ERC2: variants seen among roughly 807,000 people sequenced by gnomAD.
ERC2 encodes ERC protein 2.
A neutral mutation model predicts 114.8 loss-of-function variants in ERC2; 42 were observed. That is an observed-to-expected ratio of 0.37 (90% confidence interval 0.29 to 0.47). The LOEUF is 0.47. ERC2 is among the 20% of genes least tolerant of loss of function. The pLI is 0.99. For synonymous variants in ERC2, 454 were observed against 425.5 expected (o/e 1.07, Z -0.82); for missense variants, 939 against 1,150.7 (o/e 0.82, Z 2.66).
intron 17 of ERC2, among the ~76,000 whole-genome samples, chr3:55,581,115 G>C (rs1396313442): frequency 3.3e-5 from 5 of 152,186 alleles, no homozygotes; most frequent in Admixed American, 3.3e-4. Context: ...AGTGCTGGGT[G>C]ACTCTCACTG....
chr3:56,009,307 G>A (rs1468838605), intron 9 of ERC2, among the ~76,000 whole-genome samples: 1 of 152,196 alleles, frequency 6.6e-6, no homozygotes, highest in Non-Finnish European at 1.5e-5. Context: ...AGCAGTGGAA[G>A]CTAGGAAGAG....
intron 17 of ERC2, among the ~76,000 whole-genome samples, chr3:55,586,954 C>A (rs1450523913): frequency 1.3e-5 from 2 of 152,190 alleles, no homozygotes; most frequent in African/African-American, 4.8e-5. Flanking sequence ...TCCCTGTTTT[C>A]ATTCTATTCC....
chr3:56,401,095 T>C lies in ERC2; in HGVS notation c.657+33256A>G, dbSNP rs563231138. ...TAGGGAAACAGTCTGTGAACTTTTC[T>C]AGCTCTACTTGAACCTATGTATCAC... On this transcript the variant is annotated intron_variant, in intron 2 of 17. Coordinates refer to ENST00000288221, the MANE Select transcript of ERC2 (RefSeq NM_015576.3). Among the ~76,000 whole-genome samples, 18 of 152,366 alleles carry C rather than the reference T, an allele frequency of 1.2e-4. No individual in the cohort carries two copies. The South Asian group carries it at 3.1e-3, about 26-fold the overall frequency.
At chr3:56,149,651 G>C (rs2081315811) in intron 4 of ERC2, among the ~76,000 whole-genome samples, 1 of 152,144 alleles carries the variant, frequency 6.6e-6, no homozygotes, top group African/African-American at 2.4e-5. Context: ...AGACGTAAGT[G>C]AAACTAAATA....
chr3:56,012,341 C>T (rs921842260), intron 8 of ERC2, among the ~76,000 whole-genome samples: 1 of 152,170 alleles, frequency 6.6e-6, no homozygotes, highest in Admixed American at 6.5e-5. Context: ...ATTTGGAAAC[C>T]TTCCCAGGAA....
chr3:56,396,993 G>A (rs1389019056), intron 2 of ERC2, among the ~76,000 whole-genome samples: 1 of 152,020 alleles, frequency 6.6e-6, no homozygotes, highest in Non-Finnish European at 1.5e-5. Context: ...CAGTTCCCCT[G>A]CCTTTACCCT....
intron 14 of ERC2, among the ~76,000 whole-genome samples, chr3:55,830,435 G>A (rs2060518156): frequency 6.6e-6 from 1 of 152,198 alleles, no homozygotes; most frequent in Non-Finnish European, 1.5e-5. Context: ...TCCTTTTAGG[G>A]CCTTCAAACT....
intron 14 of ERC2, among the ~76,000 whole-genome samples, chr3:55,887,660 C>T (rs546933579): frequency 6.6e-6 from 1 of 152,246 alleles, no homozygotes; most frequent in East Asian, 1.9e-4. Context: ...TATGTTATTC[C>T]ATGATGATGC....
intron 15 of ERC2, among the ~76,000 whole-genome samples, chr3:55,728,449 G>A (rs2065053570): frequency 6.6e-6 from 1 of 152,196 alleles, no homozygotes; most frequent in Non-Finnish European, 1.5e-5. Context: ...TTGAATGGAT[G>A]AGTAGGCATT....
intron 17 of ERC2, among the ~76,000 whole-genome samples, chr3:55,633,937 T>C (rs1166862924): frequency 6.6e-6 from 1 of 152,152 alleles, no homozygotes; most frequent in South Asian, 2.1e-4. Flanking sequence ...ATGCCACATA[T>C]TCTGCCCACC....
chr3:56,283,368 T>C (rs545218443), intron 3 of ERC2, among the ~76,000 whole-genome samples: 33 of 152,148 alleles, frequency 2.2e-4, no homozygotes, highest in Non-Finnish European at 4.3e-4. Context: ...TGATGGCTCA[T>C]ACCTGTAATC....
chr3:55,696,598 A>T (rs1316964626), intron 16 of ERC2, among the ~76,000 whole-genome samples: 1 of 152,220 alleles, frequency 6.6e-6, no homozygotes, highest in Non-Finnish European at 1.5e-5. Flanking sequence ...TGGTCTACAC[A>T]ATTAAGTGTA....
At chr3:55,644,522 A>G (rs1362464261) in intron 17 of ERC2, among the ~76,000 whole-genome samples, 1 of 152,192 alleles carries the variant, frequency 6.6e-6, no homozygotes, top group Admixed American at 6.5e-5. Flanking sequence ...CAGTTCCTCT[A>G]TTAGTAAAAT....
intron 2 of ERC2, among the ~76,000 whole-genome samples, chr3:56,399,633 A>T (rs2060445669): frequency 6.6e-6 from 1 of 152,178 alleles, no homozygotes; most frequent in African/African-American, 2.4e-5. Flanking sequence ...TTTTACAGGT[A>T]CATTTTACAA....
intron 6 of ERC2, among the ~76,000 whole-genome samples, chr3:56,096,356 A>G (rs1165442282): frequency 6.6e-6 from 1 of 152,176 alleles, no homozygotes; most frequent in African/African-American, 2.4e-5. Flanking sequence ...AGCATTTTTG[A>G]GACAGGGTGA....
chr3:55,906,205 G>A (rs999588153), intron 13 of ERC2, among the ~76,000 whole-genome samples: 1 of 149,942 alleles, frequency 6.7e-6, no homozygotes, highest in Non-Finnish European at 1.5e-5. Flanking sequence ...GGCCGGGCGC[G>A]GTGGCTCACG....
intron 12 of ERC2, among the ~76,000 whole-genome samples, chr3:55,982,774 C>A (rs2070263070): frequency 6.6e-6 from 1 of 152,176 alleles, no homozygotes; most frequent in Non-Finnish European, 1.5e-5. Flanking sequence ...TTGCAGGACA[C>A]TAAAGGGATG....
intron 3 of ERC2, among the ~76,000 whole-genome samples, chr3:56,270,720 C>T (rs967963263): frequency 2.0e-5 from 3 of 152,224 alleles, no homozygotes; most frequent in Non-Finnish European, 4.4e-5. Flanking sequence ...TGGCTTATGC[C>T]TGTAATCCCA....
At chr3:55,733,487 TTC>T (rs2148918152) in intron 15 of ERC2, among the ~76,000 whole-genome samples, 1 of 41,024 alleles carries the variant, frequency 2.4e-5, no homozygotes, top group East Asian at 6.2e-4. Flanking sequence ...CACACACACA[TTC>T]TCTGTCTCTC....
Sources: gnomAD v4.1 joint callset for allele counts (sites outside exome capture counted in the v4.1 genomes callset) on GRCh38, gnomAD v4.1.1 for gene constraint, MANE v1.5 for transcripts, NCBI Gene and HGNC (gene_info 2026-07-23, HGNC 2026-07-21) for gene names.